Variants in PTPRG observed in about 807,000 individuals in gnomAD.
PTPRG encodes receptor-type tyrosine-protein phosphatase gamma.
PTPRG carries 102 observed loss-of-function variants against 165.3 expected under a neutral mutation model. That is an observed-to-expected ratio of 0.62 (90% CI 0.53 to 0.73). The LOEUF (loss-of-function observed/expected upper bound fraction) is 0.73. Ranked by LOEUF, PTPRG falls within the 30% of genes least tolerant of loss-of-function variation. PTPRG has a pLI of 0.00. For synonymous variants in PTPRG, 675 were observed against 669.5 expected (o/e 1.01, Z -0.13); for missense variants, 1,866 against 1,861.4 (o/e 1.00, Z -0.05).
chr3:62,267,309 G>A, intron 17 of PTPRG, 101 bp from the exon 18 acceptor site: 1 of 882,054 alleles, frequency 1.1e-6, no homozygotes, highest in East Asian at 2.4e-5. Flanking sequence ...GACTACCTTG[G>A]GAGATGTCAT....
At position 62,124,676 on chromosome 3, in the gene PTPRG, C is replaced by T. The variant is rs1191780716; in HGVS notation, c.616-7926C>T. ...CCTGAAGCTCAGGCCACCGCTGCCG[C>T]CTGCTGAGCTAGCTGCGCTTGGCAC... On this transcript the variant is annotated intron_variant, in intron 5 of 29. Transcript: ENST00000474889. 4 of 697,936 alleles carry T rather than the reference C, an allele frequency of 5.7e-6. No homozygotes were observed. In the African/African-American group the frequency reaches 7.1e-5, roughly 12 times the overall value. The allele number at this position is 697,936 out of a possible 1,614,324, so 43.2% of individuals were successfully genotyped here. A position where few individuals can be genotyped will look rare whatever the true frequency, so the allele number is the denominator to read the frequency against.
At chr3:62,056,474 ATTC>A (rs968726027) in intron 4 of PTPRG, among the ~76,000 whole-genome samples, 1 of 152,066 alleles carries the variant, frequency 6.6e-6, no homozygotes, top group East Asian at 1.9e-4. Context: ...GCCCAAGACA[ATTC>A]TTCTTCCATT....
chr3:61,917,448 C>T lies in PTPRG; in HGVS notation c.191-72177C>T, dbSNP rs577359235. On this transcript the variant is annotated intron_variant, in intron 2 of 29. Coordinates refer to ENST00000474889, the MANE Select transcript of PTPRG (RefSeq NM_002841.4). Reference sequence around the variant, plus strand: ...TCATATTCGTCTTGCAGGTTCTTTGCGTGTTGCTAAAATCACACCCTACCT... The same window carrying T: ...TCATATTCGTCTTGCAGGTTCTTTGTGTGTTGCTAAAATCACACCCTACCT... 7.9e-5 allele frequency among the ~76,000 whole-genome samples: 12 copies of T among 152,216 alleles called. No homozygotes were observed. The East Asian group carries it at 9.7e-4, about 12-fold the overall frequency.
intron 16 of PTPRG, among the ~76,000 whole-genome samples, chr3:62,257,238 A>G (rs1701557931): frequency 6.6e-6 from 1 of 152,240 alleles, no homozygotes. Flanking sequence ...AAAGAGTAGT[A>G]TTCCTTTTGG....
chr3:61,833,482 G>T (rs535755512), intron 2 of PTPRG, among the ~76,000 whole-genome samples: 1 of 152,180 alleles, frequency 6.6e-6, no homozygotes, highest in Non-Finnish European at 1.5e-5. Context: ...TGTAGTGAGC[G>T]TGTGTGCCAA....
chr3:61,742,216 C>T (rs1575624703), intron 1 of PTPRG, among the ~76,000 whole-genome samples: 1 of 152,062 alleles, frequency 6.6e-6, no homozygotes, highest in African/African-American at 2.4e-5. Context: ...CCCGAAGACA[C>T]AGTTAAGGCA....
intron 8 of PTPRG, among the ~76,000 whole-genome samples, chr3:62,178,401 GCTC>G (rs2106766830): frequency 6.6e-6 from 1 of 152,324 alleles, no homozygotes; most frequent in South Asian, 2.1e-4. Flanking sequence ...CAGGCTGGGT[GCTC>G]CTACTGGGGA....
chr3:62,029,842 T>C (rs187643503), intron 4 of PTPRG, among the ~76,000 whole-genome samples: 3 of 152,374 alleles, frequency 2.0e-5, no homozygotes, highest in Admixed American at 1.3e-4. Flanking sequence ...ATGAATAATA[T>C]GCAAGAGTAA....
chr3:62,148,133 A>G (rs1393528042), intron 6 of PTPRG, among the ~76,000 whole-genome samples: 1 of 152,098 alleles, frequency 6.6e-6, no homozygotes, highest in Non-Finnish European at 1.5e-5. Context: ...GTGACAGAAC[A>G]AGACTCTATC....
At chr3:61,781,036 A>T (rs929712733) in intron 2 of PTPRG, among the ~76,000 whole-genome samples, 1 of 152,216 alleles carries the variant, frequency 6.6e-6, no homozygotes, top group African/African-American at 2.4e-5. Context: ...CTCTTTAGTT[A>T]TCTTAGCTAA....
intron 4 of PTPRG, among the ~76,000 whole-genome samples, chr3:62,074,583 C>T (rs1701323003): frequency 6.6e-6 from 1 of 152,032 alleles, no homozygotes. Flanking sequence ...TCAACCAGTC[C>T]TCCCACTTGG....
At chr3:61,645,586 C>G (rs1004379886) in intron 1 of PTPRG, among the ~76,000 whole-genome samples, 3 of 152,214 alleles carry the variant, frequency 2.0e-5, no homozygotes, top group Admixed American at 6.5e-5. Context: ...AGAGAAGCCT[C>G]GTTGCCTTAA....
At chr3:61,656,915 A>G (rs2107008381) in intron 1 of PTPRG, among the ~76,000 whole-genome samples, 1 of 152,344 alleles carries the variant, frequency 6.6e-6, no homozygotes, top group Non-Finnish European at 1.5e-5. Flanking sequence ...CTGCCTGCAC[A>G]GAGCTGACAT....
chr3:61,993,009 T>C (rs187018485), intron 3 of PTPRG, among the ~76,000 whole-genome samples: 7 of 152,116 alleles, frequency 4.6e-5, no homozygotes, highest in Admixed American at 6.5e-5. Context: ...ATAAATTTTT[T>C]AGAATTTTGG....
intron 14 of PTPRG, among the ~76,000 whole-genome samples, chr3:62,232,511 T>A (rs1700925587): frequency 6.6e-6 from 1 of 152,266 alleles, no homozygotes; most frequent in South Asian, 2.1e-4. Flanking sequence ...TTAACTGTCA[T>A]ACCCAGTCCA....
intron 1 of PTPRG, among the ~76,000 whole-genome samples, chr3:61,620,428 A>G (rs995854956): frequency 6.6e-6 from 1 of 152,142 alleles, no homozygotes; most frequent in Non-Finnish European, 1.5e-5. Context: ...TTGCCATATG[A>G]ACTCATAATG....
intron 4 of PTPRG, among the ~76,000 whole-genome samples, chr3:62,054,876 A>C (rs150250890): frequency 6.6e-6 from 1 of 152,236 alleles, no homozygotes; most frequent in African/African-American, 2.4e-5. Flanking sequence ...TGGACGAGGT[A>C]TAAAGATGAA....
intron 2 of PTPRG, among the ~76,000 whole-genome samples, chr3:61,884,411 AG>A (rs1246986695): frequency 1.3e-5 from 2 of 152,204 alleles, no homozygotes; most frequent in Non-Finnish European, 2.9e-5. Flanking sequence ...AGATAGCAAA[AG>A]TTATATAAAC....
intron 1 of PTPRG, among the ~76,000 whole-genome samples, chr3:61,619,830 G>T (rs1701399843): frequency 1.3e-5 from 2 of 152,156 alleles, no homozygotes; most frequent in Non-Finnish European, 2.9e-5. Context: ...GGGCTTTGGG[G>T]AAATGGACTG....
Sources: gnomAD v4.1 joint callset for allele counts (sites outside exome capture counted in the v4.1 genomes callset) on GRCh38, gnomAD v4.1.1 for gene constraint, MANE v1.5 for transcripts, NCBI Gene and HGNC (gene_info 2026-07-23, HGNC 2026-07-21) for gene names.